The following LMBR1 variants were observed in gnomAD, a reference collection of about 807,000 sequenced individuals.
LMBR1 encodes the protein limb region 1 protein homolog.
A neutral mutation model predicts 73.9 loss-of-function variants in LMBR1; 52 were observed. The ratio of observed to expected loss-of-function variants is 0.70; its 90% CI spans 0.56 to 0.89. The LOEUF (loss-of-function observed/expected upper bound fraction) is 0.89. Ranked by LOEUF, LMBR1 falls within the 40% of genes least tolerant of loss-of-function variation. The pLI, the probability that LMBR1 is intolerant of heterozygous loss-of-function variation, is 0.00. For synonymous variants in LMBR1, 215 were observed against 209.4 expected, an observed-to-expected ratio of 1.03 and a Z score of -0.23; for missense variants, 539 against 579.8, an observed-to-expected ratio of 0.93 and a Z score of 0.72.
chr7:156,817,558 C>G (rs565084317), intron 4 of LMBR1, among the ~76,000 whole-genome samples: 21 of 151,760 alleles, frequency 1.4e-4, no homozygotes, highest in Admixed American at 2.6e-4. Context: ...GAGAGAACTT[C>G]AGAATTAGAA....
At chr7:156,768,977 G>C (rs2133024507) in intron 5 of LMBR1, among the ~76,000 whole-genome samples, 1 of 152,238 alleles carries the variant, frequency 6.6e-6, no homozygotes, top group East Asian at 1.9e-4. Flanking sequence ...GAGCTATTAA[G>C]TCTCTCACAA....
chr7:156,775,729 G>A (rs1400988120), intron 5 of LMBR1, among the ~76,000 whole-genome samples: 2 of 152,042 alleles, frequency 1.3e-5, no homozygotes, highest in Admixed American at 1.3e-4. Context: ...GGGTGTGTAT[G>A]ACTTATGTAG....
At chr7:156,846,006 T>C (rs1279837832) in intron 1 of LMBR1, among the ~76,000 whole-genome samples, 1 of 151,656 alleles carries the variant, frequency 6.6e-6, no homozygotes, top group Non-Finnish European at 1.5e-5. Flanking sequence ...CTCACACCTA[T>C]AATCCTAGCT....
intron 4 of LMBR1, among the ~76,000 whole-genome samples, chr7:156,799,363 C>T (rs1248026072): frequency 6.6e-6 from 1 of 152,168 alleles, no homozygotes; most frequent in Non-Finnish European, 1.5e-5. Context: ...TTCATTTCTC[C>T]ATGTCATATT....
chr7:156,711,516 C>T (rs1161461651), intron 15 of LMBR1, among the ~76,000 whole-genome samples: 2 of 151,848 alleles, frequency 1.3e-5, no homozygotes, highest in African/African-American at 2.4e-5. Flanking sequence ...AAAATGTATA[C>T]GGAACCAAAA....
intron 2 of LMBR1, among the ~76,000 whole-genome samples, chr7:156,836,157 C>A (rs1837613309): frequency 6.6e-6 from 1 of 152,160 alleles, no homozygotes; most frequent in South Asian, 2.1e-4. Flanking sequence ...ATTAAGAAAT[C>A]ATTAAGTATT....
At chr7:156,737,384 T>C (rs969385099) in intron 9 of LMBR1, among the ~76,000 whole-genome samples, 7 of 152,180 alleles carry the variant, frequency 4.6e-5, no homozygotes, top group Non-Finnish European at 7.3e-5. Context: ...TGTAGGATCT[T>C]TGTCCCCAGT....
chr7:156,767,211 G>A (rs992398224), intron 5 of LMBR1, among the ~76,000 whole-genome samples: 2 of 152,022 alleles, frequency 1.3e-5, no homozygotes, highest in East Asian at 1.9e-4. Context: ...GGAAGCAGAC[G>A]GACTCAAACT....
chr7:156,875,909 A>T (rs1474908248), intron 1 of LMBR1, among the ~76,000 whole-genome samples: 1 of 44,128 alleles, frequency 2.3e-5, no homozygotes, highest in Non-Finnish European at 4.4e-5. Flanking sequence ...ATACAATTAA[A>T]AAAAAAAAAA....
At chr7:156,767,322 A>T (rs1221261353) in intron 5 of LMBR1, among the ~76,000 whole-genome samples, 1 of 152,142 alleles carries the variant, frequency 6.6e-6, no homozygotes, top group African/African-American at 2.4e-5. Flanking sequence ...ACAATGACAA[A>T]TTTTTTCTAA....
intron 3 of LMBR1, among the ~76,000 whole-genome samples, chr7:156,832,220 G>A (rs1373333989): frequency 6.6e-6 from 1 of 152,106 alleles, no homozygotes; most frequent in African/African-American, 2.4e-5. Context: ...ACCAAATCTA[G>A]TAAATCACAA....
intron 4 of LMBR1, among the ~76,000 whole-genome samples, chr7:156,815,984 C>T (rs907206597): frequency 9.3e-5 from 14 of 150,858 alleles, no homozygotes; most frequent in Non-Finnish European, 1.3e-4. Context: ...AACATACATG[C>T]TTCCAGAATT....
chr7:156,845,011 C>T (rs1020414532), intron 1 of LMBR1, among the ~76,000 whole-genome samples: 19 of 152,268 alleles, frequency 1.2e-4, no homozygotes, highest in African/African-American at 4.3e-4. Context: ...TAAGGCCTAT[C>T]GGCTTCAACT....
chr7:156,764,898 T>C (rs977614435), intron 5 of LMBR1, among the ~76,000 whole-genome samples: 3 of 152,202 alleles, frequency 2.0e-5, no homozygotes, highest in Admixed American at 6.5e-5. Flanking sequence ...GACTTTTTCT[T>C]ACTAGTCCTT....
intron 4 of LMBR1, among the ~76,000 whole-genome samples, chr7:156,819,538 G>A (rs192907082): frequency 2.0e-5 from 3 of 152,158 alleles, no homozygotes; most frequent in Non-Finnish European, 2.9e-5. Flanking sequence ...ATGCTCCATG[G>A]GAGATTAAAG....
intron 1 of LMBR1, among the ~76,000 whole-genome samples, chr7:156,870,999 G>C (rs917102962): frequency 6.6e-6 from 1 of 151,640 alleles, no homozygotes; most frequent in Non-Finnish European, 1.5e-5. Context: ...TAGAAAAATA[G>C]GGAAAAAACA....
At chr7:156,799,891 G>A (rs991279901) in intron 4 of LMBR1, among the ~76,000 whole-genome samples, 1 of 152,202 alleles carries the variant, frequency 6.6e-6, no homozygotes, top group African/African-American at 2.4e-5. Context: ...TTGTGCTCTG[G>A]ACAGATCACA....
At chr7:156,801,617 G>A (rs1315458201) in intron 4 of LMBR1, among the ~76,000 whole-genome samples, 1 of 152,058 alleles carries the variant, frequency 6.6e-6, no homozygotes, top group Non-Finnish European at 1.5e-5. Context: ...CTGCAGCCTT[G>A]ACTTCCCAGA....
chr7:156,892,869 G>A, intron 1 of LMBR1, 59 bp downstream of exon 1: 1 of 1,313,184 alleles, frequency 7.6e-7, no homozygotes, highest in South Asian at 1.6e-5. Context: ...CCCGGGGGCG[G>A]GGACGGAGGG....
Sources: gnomAD v4.1 joint callset for allele counts (sites outside exome capture counted in the v4.1 genomes callset) on GRCh38, gnomAD v4.1.1 for gene constraint, MANE v1.5 for transcripts, NCBI Gene and HGNC (gene_info 2026-07-23, HGNC 2026-07-21) for gene names.